ADAMTS12: variants seen among roughly 807,000 people sequenced by gnomAD.
ADAMTS12 encodes the protein A disintegrin and metalloproteinase with thrombospondin motifs 12.
Under a neutral mutation model 167.8 loss-of-function variants are expected in ADAMTS12, and 118 were observed. That is an observed-to-expected ratio of 0.70 (90% CI 0.61 to 0.82). ADAMTS12 has a LOEUF of 0.82. Among genes scored for constraint, ADAMTS12 ranks in the 40% least tolerant of loss-of-function variants. The probability of loss-of-function intolerance (pLI) is 0.00; values close to 1 mark genes in which losing one functional copy is unlikely to be tolerated. For synonymous variants in ADAMTS12, 704 were observed against 716.9 expected (o/e 0.98, Z 0.29); for missense variants, 1,916 against 1,998.8 (o/e 0.96, Z 0.79).
chr5:33,710,298 C>T (rs1261087383), intron 3 of ADAMTS12, among the ~76,000 whole-genome samples: 1 of 152,160 alleles, frequency 6.6e-6, no homozygotes, highest in Admixed American at 6.5e-5. Context: ...CAGGTCTATC[C>T]TCCAACCATT....
At chr5:33,679,037 T>C (rs1207731489) in intron 5 of ADAMTS12, among the ~76,000 whole-genome samples, 1 of 152,202 alleles carries the variant, frequency 6.6e-6, no homozygotes, top group African/African-American at 2.4e-5. Flanking sequence ...GATAATGTCA[T>C]GTGCAGACAT....
At chr5:33,568,791 T>A (rs1019135038) in intron 19 of ADAMTS12, among the ~76,000 whole-genome samples, 1 of 152,112 alleles carries the variant, frequency 6.6e-6, no homozygotes, top group African/African-American at 2.4e-5. Context: ...CAGGGCGAGG[T>A]ATTGCCTCAC....
chr5:33,585,483 C>T (rs531731121), intron 18 of ADAMTS12, among the ~76,000 whole-genome samples: 3 of 152,196 alleles, frequency 2.0e-5, no homozygotes, highest in African/African-American at 7.2e-5. Flanking sequence ...CACATCCTGG[C>T]TTCTGGAGTG....
At chr5:33,831,759 C>A (rs1748308799) in intron 2 of ADAMTS12, among the ~76,000 whole-genome samples, 1 of 152,144 alleles carries the variant, frequency 6.6e-6, no homozygotes, top group South Asian at 2.1e-4. Context: ...TGATTATTAT[C>A]CCTCCTGCCT....
intron 2 of ADAMTS12, among the ~76,000 whole-genome samples, chr5:33,817,427 A>C (rs1161949591): frequency 1.3e-5 from 2 of 152,174 alleles, no homozygotes; most frequent in African/African-American, 4.8e-5. Flanking sequence ...TGAATACTCA[A>C]GGGTCTCAAG....
At chr5:33,758,994 A>G (rs1319628243) in intron 2 of ADAMTS12, among the ~76,000 whole-genome samples, 1 of 152,212 alleles carries the variant, frequency 6.6e-6, no homozygotes, top group African/African-American at 2.4e-5. Flanking sequence ...ATACCCCACT[A>G]ACCGAAGTAG....
intron 2 of ADAMTS12, among the ~76,000 whole-genome samples, chr5:33,811,268 G>C (rs958750976): frequency 6.6e-6 from 1 of 152,166 alleles, no homozygotes; most frequent in African/African-American, 2.4e-5. Flanking sequence ...ATCCCCCAGG[G>C]AGTCTGTATA....
At chr5:33,836,317 T>C (rs1266552316) in intron 2 of ADAMTS12, among the ~76,000 whole-genome samples, 1 of 152,088 alleles carries the variant, frequency 6.6e-6, no homozygotes, top group African/African-American at 2.4e-5. Flanking sequence ...ACCTGAAGGC[T>C]CATCAGGCTG....
intron 16 of ADAMTS12, among the ~76,000 whole-genome samples, chr5:33,605,229 TAA>T (rs1738378170): frequency 6.6e-6 from 1 of 152,210 alleles, no homozygotes; most frequent in Non-Finnish European, 1.5e-5. Flanking sequence ...GCCTATTTCC[TAA>T]AGAGCTCCAC....
At chr5:33,678,890 C>CT (rs1251233661) in intron 5 of ADAMTS12, among the ~76,000 whole-genome samples, 1 of 152,120 alleles carries the variant, frequency 6.6e-6, no homozygotes, top group African/African-American at 2.4e-5. Flanking sequence ...AAAGAGATAA[C>CT]TGTAGCTTGA....
At chr5:33,658,413 C>T (rs914640477) in intron 6 of ADAMTS12, 80 bp from the exon 7 acceptor site, 8 of 1,542,738 alleles carry the variant, frequency 5.2e-6, no homozygotes, top group Admixed American at 3.6e-5. Flanking sequence ...TGGGTATAAA[C>T]TCACATTCAA....
intron 1 of ADAMTS12, among the ~76,000 whole-genome samples, chr5:33,889,676 G>A (rs1750773885): frequency 6.6e-6 from 1 of 152,148 alleles, no homozygotes; most frequent in Admixed American, 6.5e-5. Context: ...TTATTGGCTG[G>A]GTACAGTAGT....
At chr5:33,650,625 T>C (rs540499219) in intron 7 of ADAMTS12, among the ~76,000 whole-genome samples, 12 of 152,364 alleles carry the variant, frequency 7.9e-5, no homozygotes, top group African/African-American at 2.9e-4. Context: ...TCCCTGACCT[T>C]CCATTGCCAG....
At chr5:33,567,600 G>A (rs569705321) in intron 19 of ADAMTS12, among the ~76,000 whole-genome samples, 2 of 152,290 alleles carry the variant, frequency 1.3e-5, no homozygotes, top group East Asian at 1.9e-4. Context: ...GCCTTTGGGG[G>A]AATCCGAACA....
chr5:33,644,031 C>A (rs924733732), intron 9 of ADAMTS12, among the ~76,000 whole-genome samples: 1 of 152,222 alleles, frequency 6.6e-6, no homozygotes, highest in African/African-American at 2.4e-5. Flanking sequence ...TGGCAGGATT[C>A]TCAGATGCCA....
chr5:33,720,284 TCACACA>T (rs3071626), intron 3 of ADAMTS12, among the ~76,000 whole-genome samples: 57 of 147,906 alleles, frequency 3.9e-4, no homozygotes, highest in South Asian at 2.6e-3. Flanking sequence ...TCTCTCTCAC[TCACACA>T]CACACACACA....
chr5:33,882,062 T>C (rs1408312311), intron 1 of ADAMTS12, among the ~76,000 whole-genome samples: 2 of 152,106 alleles, frequency 1.3e-5, no homozygotes, highest in African/African-American at 4.8e-5. Context: ...AGGGGTACTG[T>C]TAGAAAAGGG....
chr5:33,825,797 A>T (rs1384978172), intron 2 of ADAMTS12, among the ~76,000 whole-genome samples: 1 of 152,222 alleles, frequency 6.6e-6, no homozygotes, highest in Non-Finnish European at 1.5e-5. Flanking sequence ...CCAAACGGCA[A>T]GCAATTCTTT....
intron 3 of ADAMTS12, among the ~76,000 whole-genome samples, chr5:33,691,712 C>T (rs936602097): frequency 4.6e-5 from 7 of 152,180 alleles, no homozygotes; most frequent in African/African-American, 1.4e-4. Context: ...TCAGCAGGAC[C>T]TTCCAAAGAC....
Sources: gnomAD v4.1 joint callset for allele counts (sites outside exome capture counted in the v4.1 genomes callset) on GRCh38, gnomAD v4.1.1 for gene constraint, MANE v1.5 for transcripts, NCBI Gene and HGNC (gene_info 2026-07-23, HGNC 2026-07-21) for gene names.